The following GADL1 variants were observed in gnomAD, a reference collection of about 807,000 sequenced individuals.
The protein encoded by GADL1 is GAD like acidic amino acid decarboxylase 1, also known as acidic amino acid decarboxylase GADL1.
A neutral mutation model predicts 69.5 loss-of-function variants in GADL1; 71 were observed. That is an observed-to-expected ratio of 1.02 (90% CI 0.84 to 1.25). The LOEUF (loss-of-function observed/expected upper bound fraction) is 1.25. GADL1 is among the 50% of genes most tolerant of loss of function. The pLI, the probability that GADL1 is intolerant of heterozygous loss-of-function variation, is 0.00. For missense variants in GADL1, 737 were observed against 631.8 expected (o/e 1.17, Z -1.79); for synonymous variants, 254 against 214.4 (o/e 1.18, Z -1.62).
chr3:30,788,928 C>G (rs1203787249), intron 12 of GADL1, among the ~76,000 whole-genome samples: 1 of 152,120 alleles, frequency 6.6e-6, no homozygotes, highest in Non-Finnish European at 1.5e-5. Flanking sequence ...TCTTCAGTGA[C>G]TTCCTTCCCT....
intron 11 of GADL1, among the ~76,000 whole-genome samples, chr3:30,813,675 C>G (rs1697403254): frequency 6.6e-6 from 1 of 152,222 alleles, no homozygotes; most frequent in African/African-American, 2.4e-5. Flanking sequence ...AGATTGATTT[C>G]ACAGACAGGA....
At position 30,809,356 on chromosome 3, in the gene GADL1, A is replaced by G. The variant is rs1575215462; in HGVS notation, c.1051-8268T>C. Reference sequence around the variant, plus strand: ...GAGAACTTATTTTTTATAAAGGGTCACAATTATTTTTTGAATTTACCATCA... The same window carrying G: ...GAGAACTTATTTTTTATAAAGGGTCGCAATTATTTTTTGAATTTACCATCA... On this transcript the variant is annotated intron_variant, in intron 11 of 14. Coordinates refer to ENST00000282538, the MANE Select transcript of GADL1 (RefSeq NM_207359.3). Among the ~76,000 whole-genome samples, 3 of 152,194 alleles carry G rather than the reference A, an allele frequency of 2.0e-5. No homozygotes were observed. The South Asian group carries it at 6.2e-4, about 32-fold the overall frequency.
At chr3:30,763,507 C>CGGGGGGT (rs1696191470) in intron 14 of GADL1, among the ~76,000 whole-genome samples, 1 of 6,262 alleles carries the variant, frequency 1.6e-4, no homozygotes, top group East Asian at 5.0e-3. Context: ...GTCTCGGCGG[C>CGGGGGGT]GGGGGGTGGG....
chr3:30,747,174 G>A (rs970257993), intron 14 of GADL1, among the ~76,000 whole-genome samples: 1 of 152,170 alleles, frequency 6.6e-6, no homozygotes, highest in South Asian at 2.1e-4. Context: ...CAATCAATTA[G>A]AATCAGCCTT....
chr3:30,856,732 T>C (rs1275010650), intron 3 of GADL1, among the ~76,000 whole-genome samples: 8 of 152,028 alleles, frequency 5.3e-5, no homozygotes, highest in Admixed American at 5.3e-4. Context: ...GTAGCAGTGA[T>C]AATATATGAT....
At chr3:30,757,308 T>C (rs1695997839) in intron 14 of GADL1, among the ~76,000 whole-genome samples, 1 of 152,092 alleles carries the variant, frequency 6.6e-6, no homozygotes, top group Non-Finnish European at 1.5e-5. Flanking sequence ...GCCTGACATT[T>C]AAAAATCAGC....
chr3:30,791,756 C>T lies in GADL1; in HGVS notation c.1251-5350G>A. On this transcript the variant is annotated intron_variant, in intron 12 of 14. Coordinates refer to ENST00000282538, the MANE Select transcript of GADL1 (RefSeq NM_207359.3). ...CAAACGTCATCTTGAATTGTAGCTC[C>T]CATAATCCCCATGGGTCATGGGAGG... 2.0e-5 allele frequency among the ~76,000 whole-genome samples: 3 copies of T among 152,158 alleles called. No individual in the cohort carries two copies. The South Asian group carries it at 6.2e-4, about 32-fold the overall frequency.
intron 14 of GADL1, 93 bp downstream of exon 14, chr3:30,778,086 T>A: frequency 1.4e-6 from 1 of 732,196 alleles, no homozygotes. Context: ...GATAATTCTG[T>A]GCTTGCTAGG....
chr3:30,757,000 GAATC>G (rs1274230903), intron 14 of GADL1, among the ~76,000 whole-genome samples: 2 of 152,128 alleles, frequency 1.3e-5, no homozygotes, highest in African/African-American at 4.8e-5. Context: ...TGGGTCTTGA[GAATC>G]AATGACAGCT....
At chr3:30,850,812 T>G in intron 5 of GADL1, 23 bp downstream of exon 5, 2 of 1,338,236 alleles carry the variant, frequency 1.5e-6, no homozygotes, top group Non-Finnish European at 2.1e-6. Flanking sequence ...GGAAGGTTGA[T>G]ATCAATAACT....
chr3:30,879,642 T>G lies in GADL1; in HGVS notation c.37+14936A>C, dbSNP rs564151081. On this transcript the variant is annotated intron_variant, in intron 1 of 14. Coordinates refer to ENST00000282538, the MANE Select transcript of GADL1 (RefSeq NM_207359.3). ...ATAAGAAATCAAGAATGTGAATTTC[T>G]GCACTCGTCTCTCTTGCTTAATCCT... Among the ~76,000 whole-genome samples the G allele has an allele frequency of 4.6e-5, 7 of 152,074 alleles. No individual in the cohort carries two copies. In the South Asian group the frequency reaches 1.5e-3, roughly 32 times the overall value.
intron 1 of GADL1, among the ~76,000 whole-genome samples, chr3:30,887,892 G>A (rs551931446): frequency 2.6e-4 from 39 of 152,264 alleles, no homozygotes; most frequent in African/African-American, 9.1e-4. Flanking sequence ...AGAAAGTAAT[G>A]ACAGTCAATG....
chr3:30,752,062 G>A (rs1575184158), intron 14 of GADL1, among the ~76,000 whole-genome samples: 2 of 152,188 alleles, frequency 1.3e-5, no homozygotes, highest in South Asian at 4.1e-4. Flanking sequence ...CCAGGCCCAT[G>A]TGCTGAAACC....
intron 12 of GADL1, among the ~76,000 whole-genome samples, chr3:30,790,831 TATTC>T (rs1220899413): frequency 2.6e-5 from 4 of 152,124 alleles, no homozygotes; most frequent in Admixed American, 6.6e-5. Context: ...ACAAGATTAA[TATTC>T]ATAAGTAGGG....
At chr3:30,751,409 C>T (rs953470220) in intron 14 of GADL1, among the ~76,000 whole-genome samples, 4 of 151,734 alleles carry the variant, frequency 2.6e-5, no homozygotes, top group African/African-American at 9.7e-5. Flanking sequence ...TTTCCTTACT[C>T]CGTTCTTCTG....
chr3:30,854,177 T>C (rs1035973539), intron 4 of GADL1, among the ~76,000 whole-genome samples: 2 of 152,184 alleles, frequency 1.3e-5, no homozygotes, highest in African/African-American at 2.4e-5. Flanking sequence ...ATAACACTTA[T>C]TCAGTGTCAA....
chr3:30,845,400 C>T (rs1455630784), intron 6 of GADL1, among the ~76,000 whole-genome samples: 2 of 152,054 alleles, frequency 1.3e-5, no homozygotes, highest in South Asian at 2.1e-4. Context: ...TGCTAAAGGA[C>T]ATTATTGTAC....
intron 6 of GADL1, among the ~76,000 whole-genome samples, chr3:30,844,834 C>T (rs1391718950): frequency 1.3e-5 from 2 of 152,158 alleles, no homozygotes; most frequent in Non-Finnish European, 2.9e-5. Flanking sequence ...CAGAGCCTGG[C>T]ACATGGAACA....
At chr3:30,755,830 T>TTTTTC (rs1166860870) in intron 14 of GADL1, among the ~76,000 whole-genome samples, 1 of 151,946 alleles carries the variant, frequency 6.6e-6, no homozygotes, top group African/African-American at 2.4e-5. Flanking sequence ...GGTACTTTTT[T>TTTTTC]TCCTACCAAG....
Sources: gnomAD v4.1 joint callset for allele counts (sites outside exome capture counted in the v4.1 genomes callset) on GRCh38, gnomAD v4.1.1 for gene constraint, MANE v1.5 for transcripts, NCBI Gene and HGNC (gene_info 2026-07-23, HGNC 2026-07-21) for gene names.